Variants in SPARC observed in about 807,000 individuals in gnomAD.
The protein encoded by SPARC is basement-membrane protein 40.
SPARC carries 23 observed loss-of-function variants against 37.7 expected under a neutral mutation model. The ratio of observed to expected loss-of-function variants is 0.61; its 90% CI spans 0.44 to 0.87. The LOEUF (loss-of-function observed/expected upper bound fraction) is 0.87, where lower values mean the gene tolerates loss of function less well. Among genes scored for constraint, SPARC ranks in the 40% least tolerant of loss-of-function variants. The pLI, the probability that SPARC is intolerant of heterozygous loss-of-function variation, is 0.00. For missense variants in SPARC, 312 were observed against 389.0 expected (o/e 0.80, Z 1.66); for synonymous variants, 155 against 150.8 (o/e 1.03, Z -0.20).
chr5:151,675,983 C>T (rs1007046441), intron 2 of SPARC, 149 bp downstream of exon 2: 15 of 598,214 alleles, frequency 2.5e-5, no homozygotes, highest in East Asian at 1.5e-4. Context: ...GTTTTTATCC[C>T]GAGCTTCCTA....
rs145991483 is a variant in SPARC at position 151,664,889 on chromosome 5, T to C, written c.735-654A>G. Among the ~76,000 whole-genome samples the C allele has an allele frequency of 2.7e-3, 409 of 152,282 alleles. 2 individuals are homozygous for C. Among genetic ancestry groups the C allele is most frequent in the African/African-American group, 9.3e-3 (388 of 41,544 alleles). ...CACTGTCCTCCCTCCCTATTCTCCCTGCTGGCCTTAGACTCCAGAGCATGT... is the reference window on the plus strand; with the variant it reads ...CACTGTCCTCCCTCCCTATTCTCCCCGCTGGCCTTAGACTCCAGAGCATGT... On this transcript the variant is annotated intron_variant, in intron 8 of 9. Coordinates refer to ENST00000231061, the MANE Select transcript of SPARC (RefSeq NM_003118.4).
At chr5:151,664,434 G>A (rs1028324047) in intron 8 of SPARC, among the ~76,000 whole-genome samples, 199 bp from the exon 9 acceptor site, 2 of 152,146 alleles carry the variant, frequency 1.3e-5, no homozygotes, top group Non-Finnish European at 2.9e-5. Flanking sequence ...TGCACCATTC[G>A]GAACCTCAGT....
intron 1 of SPARC, among the ~76,000 whole-genome samples, chr5:151,683,866 T>C (rs1761067425): frequency 6.6e-6 from 1 of 152,212 alleles, no homozygotes; most frequent in Non-Finnish European, 1.5e-5. Context: ...CACTTATTTT[T>C]AGCTGAGCCA....
chr5:151,683,298 T>A (rs545895254), intron 1 of SPARC, among the ~76,000 whole-genome samples: 1 of 152,228 alleles, frequency 6.6e-6, no homozygotes, highest in Non-Finnish European at 1.5e-5. Context: ...TGGGCTGGAA[T>A]AGGCATTGCA....
intron 3 of SPARC, among the ~76,000 whole-genome samples, chr5:151,673,540 T>A (rs1022443101): frequency 3.3e-5 from 5 of 152,242 alleles, no homozygotes; most frequent in African/African-American, 1.2e-4. Context: ...GAGGCTCACC[T>A]GAGACAAACG....
chr5:151,677,307 C>T (rs761377085), intron 1 of SPARC, among the ~76,000 whole-genome samples: 16 of 152,200 alleles, frequency 1.1e-4, no homozygotes, highest in African/African-American at 2.4e-4. Flanking sequence ...CCCATCTCCC[C>T]TGCAGCCACA....
intron 3 of SPARC, among the ~76,000 whole-genome samples, chr5:151,673,939 G>C (rs866765979): frequency 3.3e-5 from 5 of 151,390 alleles, no homozygotes; most frequent in Non-Finnish European, 7.4e-5. Flanking sequence ...ACCCCTGCCA[G>C]CCACACCCAA....
At chr5:151,666,640 G>A (rs1760629918) in intron 7 of SPARC, 131 bp from the exon 8 acceptor site, 2 of 746,556 alleles carry the variant, frequency 2.7e-6, no homozygotes, top group South Asian at 1.9e-5. Flanking sequence ...CGAGGGGAGG[G>A]AGGTGTCATA....
chr5:151,681,113 A>T (rs1760977666), intron 1 of SPARC, among the ~76,000 whole-genome samples: 1 of 152,210 alleles, frequency 6.6e-6, no homozygotes, highest in Non-Finnish European at 1.5e-5. Context: ...CCAAAAACAC[A>T]TGTTGCTGGT....
chr5:151,674,785 T>C, intron 2 of SPARC, 111 bp from the exon 3 acceptor site: 1 of 998,174 alleles, frequency 1.0e-6, no homozygotes, highest in East Asian at 2.4e-5. Context: ...AGCAGCTTAC[T>C]GGAGATCCCC....
chr5:151,681,786 G>A (rs1451474631), intron 1 of SPARC, among the ~76,000 whole-genome samples: 4 of 152,154 alleles, frequency 2.6e-5, no homozygotes, highest in East Asian at 1.9e-4. Flanking sequence ...CCAGCAACTC[G>A]GGAGGCTGAG....
chr5:151,663,517 G>A lies in SPARC; in HGVS notation c.*54C>T, dbSNP rs1760557491. The A allele has an allele frequency of 2.6e-6, 4 of 1,541,292 alleles. No homozygotes were observed. The highest frequency in any genetic ancestry group is 3.6e-6 in the Non-Finnish European group (4 of 1,114,784). On this transcript the variant is annotated 3_prime_UTR_variant, in exon 10 of 10. Transcript: ENST00000231061. The stretch of plus-strand genomic sequence containing the variant: ...CATCCAAACATTTTAAACATTGGGG[G>A]AAACACGAAGGGGAGGGTTAAAGAG...
At chr5:151,674,013 T>TGTGTGTGC (rs1433743125) in intron 3 of SPARC, among the ~76,000 whole-genome samples, 35 of 123,618 alleles carry the variant, frequency 2.8e-4, no homozygotes, top group African/African-American at 8.8e-4. Context: ...TGTGTGCTTG[T>TGTGTGTGC]TTGTTTGTTT....
intron 3 of SPARC, among the ~76,000 whole-genome samples, chr5:151,674,247 G>A (rs766278952): frequency 2.6e-5 from 4 of 152,034 alleles, no homozygotes; most frequent in African/African-American, 9.7e-5. Context: ...TCCTGACCTC[G>A]TGAATTGCCT....
chr5:151,671,819 C>T (rs977324452), intron 4 of SPARC, 125 bp from the exon 5 acceptor site: 2 of 1,260,248 alleles, frequency 1.6e-6, no homozygotes, highest in African/African-American at 3.1e-5. Context: ...TTTGGACAGC[C>T]CTGAGTCCTG....
At chr5:151,675,809 C>T (rs1760842778) in intron 2 of SPARC, among the ~76,000 whole-genome samples, 1 of 152,182 alleles carries the variant, frequency 6.6e-6, no homozygotes, top group Admixed American at 6.5e-5. Context: ...AAATCCCCCA[C>T]ATCCTGTCTC....
chr5:151,684,721 C>T (rs1257509422), intron 1 of SPARC, among the ~76,000 whole-genome samples: 4 of 152,050 alleles, frequency 2.6e-5, no homozygotes, highest in Non-Finnish European at 5.9e-5. Context: ...AAAGTGCTTC[C>T]CTGTGCATTA....
intron 6 of SPARC, among the ~76,000 whole-genome samples, chr5:151,667,923 C>T (rs1470462169): frequency 2.6e-5 from 4 of 152,278 alleles, no homozygotes; most frequent in East Asian, 1.9e-4. Context: ...ATGTTGTTCA[C>T]GTCAACCACT....
chr5:151,663,532 G>A lies in SPARC; in HGVS notation c.*39C>T, dbSNP rs758340871. 1.3e-6 allele frequency: 2 copies of A among 1,593,384 alleles called. No homozygotes were observed. The highest frequency in any genetic ancestry group is 2.2e-5 in the East Asian group (1 of 44,710). On this transcript the variant is annotated 3_prime_UTR_variant, in exon 10 of 10. Transcript: ENST00000231061. ...AACATTGGGGGAAACACGAAGGGGAGGGTTAAAGAGAGAATCCGGTACTGT... is the reference window on the plus strand; with the variant it reads ...AACATTGGGGGAAACACGAAGGGGAAGGTTAAAGAGAGAATCCGGTACTGT...
Sources: gnomAD v4.1 joint callset for allele counts (sites outside exome capture counted in the v4.1 genomes callset) on GRCh38, gnomAD v4.1.1 for gene constraint, MANE v1.5 for transcripts, NCBI Gene and HGNC (gene_info 2026-07-23, HGNC 2026-07-21) for gene names.